Variants in TULP4 observed in about 807,000 individuals in gnomAD.
TULP4 encodes the protein tubby-related protein 4.
In TULP4, 16 loss-of-function variants were observed where a neutral mutation model predicts 129.0. That is an observed-to-expected ratio of 0.12 (90% confidence interval 0.08 to 0.19). The LOEUF (loss-of-function observed/expected upper bound fraction) is 0.19. TULP4 is among the 10% of genes least tolerant of loss of function. The pLI is 1.00. For synonymous variants in TULP4, 998 were observed against 854.0 expected (o/e 1.17, Z -2.94); for missense variants, 1,842 against 2,059.1 (o/e 0.89, Z 2.04).
chr6:158,498,928 T>C, intron 12 of TULP4, 116 bp downstream of exon 12: 4 of 1,269,112 alleles, frequency 3.2e-6, no homozygotes, highest in Non-Finnish European at 3.4e-6. Context: ...TTGGAAAAGG[T>C]ATCCCTGCCT....
At chr6:158,309,303 G>A (rs569912933), upstream of TULP4, among the ~76,000 whole-genome samples, 74 of 139,236 alleles carry the variant, frequency 5.3e-4, no homozygotes, top group Admixed American at 1.1e-3. Flanking sequence ...GGGCGGCGGG[G>A]CAGAGGCGCT....
At position 158,435,544 on chromosome 6, in the gene TULP4, C is replaced by T. The variant is rs565095254; in HGVS notation, c.543+5647C>T. Among the ~76,000 whole-genome samples, 12 of 152,276 alleles carry T rather than the reference C, an allele frequency of 7.9e-5. No individual in the cohort carries two copies. The South Asian group carries it at 2.1e-3, about 26-fold the overall frequency. On this transcript the variant is annotated intron_variant, in intron 3 of 13. Coordinates refer to ENST00000367097, the MANE Select transcript of TULP4 (RefSeq NM_020245.5). Reference sequence around the variant, plus strand: ...ACATGGCATGCCTTTCCATCCAACTCGGTCCCCCTTCCTAGGTTCCAACCT... The same window carrying T: ...ACATGGCATGCCTTTCCATCCAACTTGGTCCCCCTTCCTAGGTTCCAACCT...
rs781290744 is a variant in TULP4 at position 158,452,229 on chromosome 6, G to A, written c.820G>A (p.Asp274Asn). Residue 274 changes from aspartate to asparagine, a missense_variant, in exon 5 of 14, where the codon GAT becomes AAT. Physicochemically the swap from Asp to Asn is conservative, Grantham distance 23. Around this residue, in one of 5 missense-constraint regions of TULP4, gnomAD observed 456 missense variants for 534.3 expected, o/e 0.85. Coordinates refer to ENST00000367097, the MANE Select transcript of TULP4 (RefSeq NM_020245.5). ...SGDISLMNNY[D>N]DLSPTVIRSG... ...AGACATCAGCTTAATGAACAACTAC[G>A]ATGACTTGTCTCCCACGGTCATCCG... 3.7e-6 allele frequency: 6 copies of A among 1,614,028 alleles called. No individual in the cohort carries two copies. The highest frequency in any genetic ancestry group is 3.3e-5 in the Admixed American group (2 of 59,994).
At chr6:158,239,673 T>C (rs1777815447) in intron 1 of TULP4, among the ~76,000 whole-genome samples, 2 of 65,884 alleles carry the variant, frequency 3.0e-5, no homozygotes, top group South Asian at 6.0e-4. Context: ...ACCGGGCGGC[T>C]GGCCGGGCAG....
intron 1 of TULP4, among the ~76,000 whole-genome samples, chr6:158,350,078 C>T (rs1780469850): frequency 6.8e-6 from 1 of 147,434 alleles, no homozygotes; most frequent in African/African-American, 2.5e-5. Flanking sequence ...AGAGGCACTC[C>T]ACTTCCCAGA....
At chr6:158,385,840 A>ATTTTTTTTTTTTTTTTTTTT (rs1397821107) in intron 1 of TULP4, among the ~76,000 whole-genome samples, 22 of 34,008 alleles carry the variant, frequency 6.5e-4, no homozygotes, top group Non-Finnish European at 9.4e-4. Context: ...AATGTGGAAT[A>ATTTTTTTTTTTTTTTTTTTT]TCTTTTTTTT....
chr6:158,255,639 T>C (rs1230918724), intron 1 of TULP4, among the ~76,000 whole-genome samples: 3 of 152,186 alleles, frequency 2.0e-5, no homozygotes, highest in Non-Finnish European at 4.4e-5. Flanking sequence ...GGTCTGAGCA[T>C]GAAGCCAACA....
intron 2 of TULP4, among the ~76,000 whole-genome samples, chr6:158,428,845 G>C (rs1432500968): frequency 6.6e-6 from 1 of 152,158 alleles, no homozygotes; most frequent in African/African-American, 2.4e-5. Flanking sequence ...CTGCTATGTT[G>C]ACTGAGTCTT....
chr6:158,483,072 G>A (rs1274798441), intron 8 of TULP4, among the ~76,000 whole-genome samples: 1 of 152,172 alleles, frequency 6.6e-6, no homozygotes, highest in Non-Finnish European at 1.5e-5. Flanking sequence ...ACCTTGTGTG[G>A]GGTACTTGAG....
intron 6 of TULP4, among the ~76,000 whole-genome samples, chr6:158,466,881 C>T (rs1263422968): frequency 6.6e-6 from 1 of 152,102 alleles, no homozygotes; most frequent in African/African-American, 2.4e-5. Context: ...ATTTTTCCAC[C>T]TCTGCCTGAT....
At chr6:158,446,967 TGGGGAGGC>T (rs1279118447) in intron 3 of TULP4, among the ~76,000 whole-genome samples, 6 of 152,162 alleles carry the variant, frequency 3.9e-5, no homozygotes, top group Admixed American at 1.3e-4. Context: ...CAACATAAAT[TGGGGAGGC>T]GGGGAGCTCA....
At chr6:158,319,465 T>C (rs1779574376) in intron 1 of TULP4, among the ~76,000 whole-genome samples, 2 of 152,158 alleles carry the variant, frequency 1.3e-5, no homozygotes, top group Non-Finnish European at 2.9e-5. Flanking sequence ...AAAAACCCTG[T>C]GTCCCCACCG....
At chr6:158,458,522 A>G (rs1019284077) in intron 5 of TULP4, among the ~76,000 whole-genome samples, 2 of 152,254 alleles carry the variant, frequency 1.3e-5, no homozygotes, top group African/African-American at 2.4e-5. Context: ...TGAGTAGAGC[A>G]TTAGTTTGTT....
chr6:158,506,882 C>T lies in TULP4; in HGVS notation c.*188C>T, dbSNP rs1238406257. ...TCATTTATTTGGTTGGGTTTTATTA[C>T]CTTTTATTGTCTGTTCTTCTTTTCT... On this transcript the variant is annotated 3_prime_UTR_variant, in exon 14 of 14. Transcript: ENST00000367097. The T allele has an allele frequency of 5.7e-5, 33 of 581,374 alleles. 2 individuals carry two copies. In the South Asian group the frequency reaches 6.6e-4, roughly 12 times the overall value. 36.0% of individuals were successfully genotyped at this position (581,374 alleles called of 1,614,324 possible).
intron 3 of TULP4, among the ~76,000 whole-genome samples, chr6:158,431,635 C>T (rs1477127467): frequency 6.6e-6 from 1 of 152,166 alleles, no homozygotes; most frequent in Non-Finnish European, 1.5e-5. Flanking sequence ...CCAGGAAGGG[C>T]TGGCTGTGAC....
chr6:158,294,134 C>A (rs1001611805), intron 1 of TULP4, among the ~76,000 whole-genome samples: 1 of 152,100 alleles, frequency 6.6e-6, no homozygotes, highest in Non-Finnish European at 1.5e-5. Flanking sequence ...AAGACCGAGG[C>A]GGGTGGATCA....
intron 1 of TULP4, among the ~76,000 whole-genome samples, chr6:158,335,479 A>T (rs1780012396): frequency 6.6e-6 from 1 of 151,670 alleles, no homozygotes; most frequent in Admixed American, 6.6e-5. Context: ...TTTTGAATAT[A>T]TAGAACATTA....
intron 1 of TULP4, among the ~76,000 whole-genome samples, chr6:158,381,476 C>T (rs528517489): frequency 2.6e-5 from 4 of 152,258 alleles, no homozygotes; most frequent in Non-Finnish European, 5.9e-5. Context: ...TGAGTCAGCT[C>T]AAGTTTTGTC....
At chr6:158,457,177 A>G (rs1449177191) in intron 5 of TULP4, among the ~76,000 whole-genome samples, 1 of 152,180 alleles carries the variant, frequency 6.6e-6, no homozygotes, top group Non-Finnish European at 1.5e-5. Context: ...TCTCCGATCC[A>G]CTTGGTTTTT....
Sources: gnomAD v4.1 joint callset for allele counts (sites outside exome capture counted in the v4.1 genomes callset) on GRCh38, gnomAD v4.1.1 for gene constraint, gnomAD v4.1.1 regional missense constraint, MANE v1.5 for transcripts, NCBI Gene and HGNC (gene_info 2026-07-23, HGNC 2026-07-21) for gene names.